The following PPP1R21 variants were observed in gnomAD, a reference collection of about 807,000 sequenced individuals.
The protein encoded by PPP1R21 is KLRAQ motif containing 1.
A neutral mutation model predicts 112.8 loss-of-function variants in PPP1R21; 85 were observed. The ratio of observed to expected loss-of-function variants is 0.75; its 90% CI spans 0.63 to 0.90. PPP1R21 has a LOEUF of 0.90. Ranked by LOEUF, PPP1R21 falls within the 40% of genes least tolerant of loss-of-function variation. The pLI, the probability that PPP1R21 is intolerant of heterozygous loss-of-function variation, is 0.00. For missense variants in PPP1R21, 1,199 were observed against 901.5 expected, an observed-to-expected ratio of 1.33 and a Z score of -4.23; for synonymous variants, 381 against 322.3, an observed-to-expected ratio of 1.18 and a Z score of -1.95.
chr2:48,504,588 C>T (rs976773568), intron 17 of PPP1R21, among the ~76,000 whole-genome samples: 18 of 151,986 alleles, frequency 1.2e-4, no homozygotes, highest in South Asian at 2.1e-4. Flanking sequence ...TTGCAGTGAG[C>T]CTCGGTCGCA....
At chr2:48,479,841 C>G (rs1458695197) in intron 12 of PPP1R21, 83 bp from the exon 13 acceptor site, 3 of 866,406 alleles carry the variant, frequency 3.5e-6, no homozygotes, top group Non-Finnish European at 5.9e-6. Context: ...AATCTTCATT[C>G]TCTATCTTCC....
At chr2:48,510,678 A>G (rs150036268) in intron 20 of PPP1R21, among the ~76,000 whole-genome samples, 2 of 152,234 alleles carry the variant, frequency 1.3e-5, no homozygotes, top group Admixed American at 1.3e-4. Context: ...AGAAGAGAGC[A>G]TGAGAAATGG....
At position 48,440,812 on chromosome 2, in the gene PPP1R21, C is replaced by CG; in HGVS notation, c.-141dup. On this transcript the variant is annotated 5_prime_UTR_variant, in exon 1 of 22. Coordinates refer to ENST00000294952, the MANE Select transcript of PPP1R21 (RefSeq NM_001135629.3). ...GGGAACCCGGAAGTGGAGGAGGAGG[C>CG]GCGGCGGCGGCGGCGGCGGCGGCTG... is the stretch of plus-strand genomic sequence containing the variant. 1.6e-6 allele frequency: 1 copy of CG among 626,610 alleles called. No homozygotes were observed. The highest frequency in any genetic ancestry group is 3.0e-5 in the Admixed American group (1 of 33,212). 38.8% of individuals were successfully genotyped at this position (626,610 alleles called of 1,614,324 possible).
chr2:48,477,061 C>T (rs528338490), intron 12 of PPP1R21, among the ~76,000 whole-genome samples: 3 of 147,128 alleles, frequency 2.0e-5, no homozygotes, highest in East Asian at 2.0e-4. Flanking sequence ...TTCTTCTAAG[C>T]GTTTTATAGT....
At chr2:48,445,907 T>C (rs1667225335) in intron 1 of PPP1R21, among the ~76,000 whole-genome samples, 1 of 152,152 alleles carries the variant, frequency 6.6e-6, no homozygotes, top group Non-Finnish European at 1.5e-5. Context: ...CTTAAAATGT[T>C]AGAACTGGAA....
chr2:48,468,741 G>C (rs1333246260), intron 9 of PPP1R21, among the ~76,000 whole-genome samples: 1 of 152,086 alleles, frequency 6.6e-6, no homozygotes, highest in Non-Finnish European at 1.5e-5. Context: ...CTTGAGGCCA[G>C]GAGGCAGAGG....
Position 48,491,149 on chromosome 2 carries a change from C to A in PPP1R21, c.1578C>A (p.Ala526=). 6.2e-7 allele frequency: 1 copy of A among 1,612,174 alleles called. No individual in the cohort carries two copies. Among genetic ancestry groups the A allele is most frequent in the Admixed American group, 1.7e-5 (1 of 59,512 alleles). ...CMLQYKKKAA[A]YMKSLRKPLL... ...TACAGTATAAGAAAAAAGCTGCTGCCTATATGAAGTCTTTGAGAAAGGTTT... is the reference window on the plus strand; with the variant it reads ...TACAGTATAAGAAAAAAGCTGCTGCATATATGAAGTCTTTGAGAAAGGTTT... Residue 526 remains alanine, a synonymous_variant, in exon 15 of 22, where the codon GCC becomes GCA. Coordinates refer to ENST00000294952, the MANE Select transcript of PPP1R21 (RefSeq NM_001135629.3).
chr2:48,511,022 A>G (rs963469129), intron 20 of PPP1R21, among the ~76,000 whole-genome samples: 3 of 152,150 alleles, frequency 2.0e-5, no homozygotes, highest in Non-Finnish European at 1.5e-5. Flanking sequence ...GGTTGCTTTT[A>G]CAAGTAAAAG....
intron 16 of PPP1R21, among the ~76,000 whole-genome samples, chr2:48,496,879 C>T (rs759362636): frequency 1.4e-4 from 21 of 152,224 alleles, no homozygotes; most frequent in Non-Finnish European, 2.5e-4. Context: ...TTCTGAATAG[C>T]TGAACACATA....
Position 48,465,766 on chromosome 2 carries a change from T to C in PPP1R21, c.897+124T>C, listed in dbSNP as rs932847136. The C allele has an allele frequency of 1.8e-5, 13 of 704,218 alleles. No homozygotes were observed. The African/African-American group carries it at 2.4e-4, about 13-fold the overall frequency. 43.6% of individuals were successfully genotyped at this position (704,218 alleles called of 1,614,324 possible). Reference sequence around the variant, plus strand: ...GGACATGGAAAAAACCCAAAAAGCATAGTTTTTACTCTCAAAATAAAATAT... The same window carrying C: ...GGACATGGAAAAAACCCAAAAAGCACAGTTTTTACTCTCAAAATAAAATAT... On this transcript the variant is annotated intron_variant, in intron 9 of 21. Transcript: ENST00000294952.
At chr2:48,489,368 G>A (rs969882957) in intron 14 of PPP1R21, among the ~76,000 whole-genome samples, 2 of 151,242 alleles carry the variant, frequency 1.3e-5, no homozygotes, top group African/African-American at 4.9e-5. Context: ...ACACATGATG[G>A]TGTGCGTCTG....
intron 9 of PPP1R21, among the ~76,000 whole-genome samples, chr2:48,470,673 A>G (rs1668460126): frequency 6.6e-6 from 1 of 152,142 alleles, no homozygotes; most frequent in African/African-American, 2.4e-5. Context: ...TTTGTCGTAC[A>G]GTCTTGATTT....
chr2:48,510,036 C>G lies in PPP1R21; in HGVS notation c.2107C>G (p.Leu703Val), dbSNP rs780732539. 17 of 1,613,602 alleles carry G rather than the reference C, an allele frequency of 1.1e-5. No individual in the cohort carries two copies. Among genetic ancestry groups the G allele is most frequent in the Non-Finnish European group, 1.4e-5 (16 of 1,179,706 alleles). ...ACAGTGCCGAGCACTGTCTAAAAGA[C>G]TGGCCTTGGCTGAAAAGTCTAAGGA... ...YAECRALSKRLALAEKSKEAL... is the reference protein window; with the variant it reads ...YAECRALSKRVALAEKSKEAL... The change falls in exon 20 of 22, where the codon CTG (leucine) becomes GTG (valine). Residue 703 changes from leucine (L) to valine (V), a missense_variant. By Grantham distance (32) the Leu-to-Val change is conservative. Transcript: ENST00000294952.
At chr2:48,483,081 C>A (rs564051679) in intron 13 of PPP1R21, among the ~76,000 whole-genome samples, 1 of 151,584 alleles carries the variant, frequency 6.6e-6, no homozygotes, top group East Asian at 1.9e-4. Context: ...ATAATGGCTT[C>A]TGGCTCCATC....
chr2:48,447,038 A>G lies in PPP1R21; in HGVS notation c.58-3970A>G, dbSNP rs528184339. 4.6e-5 allele frequency among the ~76,000 whole-genome samples: 7 copies of G among 152,310 alleles called. No homozygotes were observed. The East Asian group carries it at 1.3e-3, about 29-fold the overall frequency. On this transcript the variant is annotated intron_variant, in intron 1 of 21. Transcript: ENST00000294952. ...AGTGCTGTGATTACAGGCATGAGCC[A>G]CTGCTCCCAGCCTATACAGAAATAC...
chr2:48,500,568 A>C (rs1428552130), intron 17 of PPP1R21, among the ~76,000 whole-genome samples: 2 of 152,190 alleles, frequency 1.3e-5, no homozygotes, highest in Non-Finnish European at 2.9e-5. Context: ...TAAAACCTAA[A>C]AACAACAACA....
At chr2:48,452,374 C>T (rs1049129936) in intron 2 of PPP1R21, among the ~76,000 whole-genome samples, 2 of 151,972 alleles carry the variant, frequency 1.3e-5, no homozygotes, top group Admixed American at 6.6e-5. Flanking sequence ...TCACAACAAC[C>T]CGATGAGGTC....
At chr2:48,474,964 A>T in intron 12 of PPP1R21, 145 bp downstream of exon 12, 1 of 643,256 alleles carries the variant, frequency 1.6e-6, no homozygotes, top group South Asian at 2.3e-5. Flanking sequence ...CTAGCCCCTT[A>T]TACATTTATG....
intron 4 of PPP1R21, among the ~76,000 whole-genome samples, chr2:48,458,784 A>G (rs764105337): frequency 2.0e-5 from 3 of 151,952 alleles, no homozygotes; most frequent in African/African-American, 2.4e-5. Context: ...CCCCCAAACC[A>G]CTGAGCATAT....
Sources: gnomAD v4.1 joint callset for allele counts (sites outside exome capture counted in the v4.1 genomes callset) on GRCh38, gnomAD v4.1.1 for gene constraint, MANE v1.5 for transcripts, NCBI Gene and HGNC (gene_info 2026-07-23, HGNC 2026-07-21) for gene names.